CFAP20DC: variants seen among roughly 807,000 people sequenced by gnomAD.
The protein encoded by CFAP20DC is protein CFAP20DC.
Under a neutral mutation model 101.7 loss-of-function variants are expected in CFAP20DC, and 84 were observed. That is an observed-to-expected ratio of 0.83 (90% confidence interval 0.69 to 0.99). The LOEUF is 0.99. Among genes scored for constraint, CFAP20DC ranks in the 50% least tolerant of loss-of-function variants. The pLI, the probability that CFAP20DC is intolerant of heterozygous loss-of-function variation, is 0.00. For synonymous variants in CFAP20DC, 359 were observed against 351.2 expected, an observed-to-expected ratio of 1.02 and a Z score of -0.25; for missense variants, 1,007 against 970.3, an observed-to-expected ratio of 1.04 and a Z score of -0.50.
intron 4 of CFAP20DC, among the ~76,000 whole-genome samples, chr3:59,012,205 C>T (rs944731162): frequency 6.6e-6 from 1 of 151,922 alleles, no homozygotes; most frequent in Non-Finnish European, 1.5e-5. Flanking sequence ...TCACGGAACG[C>T]CTTAAAGATA....
At chr3:58,956,204 G>A (rs533116474) in intron 4 of CFAP20DC, among the ~76,000 whole-genome samples, 8 of 151,926 alleles carry the variant, frequency 5.3e-5, no homozygotes, top group African/African-American at 1.9e-4. Context: ...TGGCTACAAG[G>A]GGGAAGAGCA....
chr3:58,889,687 G>A (rs1358100234), intron 6 of CFAP20DC, among the ~76,000 whole-genome samples: 1 of 138,512 alleles, frequency 7.2e-6, no homozygotes, highest in African/African-American at 2.8e-5. Flanking sequence ...TTCCTAGGCA[G>A]AGGACCCTGC....
intron 4 of CFAP20DC, among the ~76,000 whole-genome samples, chr3:58,963,066 C>T (rs774249555): frequency 2.6e-5 from 4 of 152,012 alleles, no homozygotes; most frequent in Non-Finnish European, 5.9e-5. Flanking sequence ...TCAGCTCGCT[C>T]TGGCAATGGA....
Position 58,892,880 on chromosome 3 carries a change from G to T in CFAP20DC, c.551-8171C>A, listed in dbSNP as rs2082365548. The stretch of plus-strand genomic sequence containing the variant: ...TTCCAATACTATATTGCATAGGAGT[G>T]GTGAGAGAGGGCATTCTTGTCTTGT... On this transcript the variant is annotated intron_variant, in intron 6 of 16. Transcript: ENST00000482387. The surrounding 1 kb of genome is among the most constrained non-coding windows in gnomAD (Gnocchi z 4.0). Among the ~76,000 whole-genome samples the T allele has an allele frequency of 6.6e-6, 1 of 152,262 alleles. No homozygotes were observed. Among genetic ancestry groups the T allele is most frequent in the East Asian group, 1.9e-4 (1 of 5,184 alleles).
At chr3:59,040,937 A>G (rs1195997342) in intron 3 of CFAP20DC, among the ~76,000 whole-genome samples, 1 of 152,102 alleles carries the variant, frequency 6.6e-6, no homozygotes, top group East Asian at 1.9e-4. Context: ...ATAAGAGATC[A>G]CAGGCCTTGA....
intron 15 of CFAP20DC, among the ~76,000 whole-genome samples, chr3:58,763,952 G>A (rs181197271): frequency 9.1e-4 from 138 of 152,272 alleles, no homozygotes; most frequent in African/African-American, 2.9e-3. Flanking sequence ...GCCCCTACTC[G>A]GGGGTTCCTC....
intron 11 of CFAP20DC, among the ~76,000 whole-genome samples, chr3:58,865,160 G>A (rs539934098): frequency 6.7e-6 from 1 of 149,282 alleles, no homozygotes; most frequent in African/African-American, 2.5e-5. Flanking sequence ...ATCACAGTGT[G>A]GACATGGTAA....
At chr3:59,036,068 T>C (rs2094097060) in intron 4 of CFAP20DC, among the ~76,000 whole-genome samples, 1 of 152,214 alleles carries the variant, frequency 6.6e-6, no homozygotes, top group African/African-American at 2.4e-5. Context: ...TCTCAACAGA[T>C]GCAGAAAAGG....
At chr3:58,838,175 A>G (rs1286129183) in intron 13 of CFAP20DC, among the ~76,000 whole-genome samples, 1 of 152,192 alleles carries the variant, frequency 6.6e-6, no homozygotes, top group Non-Finnish European at 1.5e-5. Context: ...CATGCAAAGG[A>G]GTAAATTAAA....
intron 4 of CFAP20DC, among the ~76,000 whole-genome samples, chr3:58,968,154 T>C (rs1441163679): frequency 6.6e-6 from 1 of 152,212 alleles, no homozygotes; most frequent in Non-Finnish European, 1.5e-5. Context: ...CTATTGTGAA[T>C]AGTGCTGCCA....
chr3:58,802,881 T>C (rs1389290504), intron 15 of CFAP20DC, among the ~76,000 whole-genome samples: 1 of 152,048 alleles, frequency 6.6e-6, no homozygotes, highest in East Asian at 1.9e-4. Context: ...AGAAGATAGT[T>C]ATGTTGCAGA....
chr3:58,949,409 T>C (rs565780020), intron 4 of CFAP20DC, among the ~76,000 whole-genome samples: 7 of 152,320 alleles, frequency 4.6e-5, no homozygotes, highest in Admixed American at 6.5e-5. Flanking sequence ...CTGCTTTCAC[T>C]TGTGGGCATT....
rs556227380 is a variant in CFAP20DC at position 58,770,051 on chromosome 3, A to G, written c.2238-16188T>C. ...TATGTTCTCTGCAGAATATCTTTCT[A>G]TCTTTCCTGTATGCCAGTACTTTCC... On this transcript the variant is annotated intron_variant, in intron 15 of 16. Coordinates refer to ENST00000482387, the MANE Select transcript of CFAP20DC (RefSeq NM_001394063.1). Among the ~76,000 whole-genome samples the G allele has an allele frequency of 3.9e-5, 6 of 152,320 alleles. No homozygotes were observed. In the South Asian group the frequency reaches 8.3e-4, roughly 21 times the overall value.
chr3:58,716,820 C>T (rs1027150889), downstream of CFAP20DC, among the ~76,000 whole-genome samples: 3 of 152,116 alleles, frequency 2.0e-5, no homozygotes, highest in Non-Finnish European at 4.4e-5. Context: ...AAGCTAGCAG[C>T]TTTTCAGGTC....
At chr3:58,931,086 T>C (rs548194103) in intron 5 of CFAP20DC, among the ~76,000 whole-genome samples, 1 of 152,050 alleles carries the variant, frequency 6.6e-6, no homozygotes, top group Non-Finnish European at 1.5e-5. Flanking sequence ...GCTTTTCCGA[T>C]GGGGCTTAAA....
chr3:58,958,102 G>A (rs1398381441), intron 4 of CFAP20DC, among the ~76,000 whole-genome samples: 2 of 151,704 alleles, frequency 1.3e-5, no homozygotes, highest in Non-Finnish European at 2.9e-5. Flanking sequence ...AACATCTCAG[G>A]TACACCATAA....
downstream of CFAP20DC, among the ~76,000 whole-genome samples, chr3:58,738,909 C>CTT (rs2107113081): frequency 6.6e-6 from 1 of 152,260 alleles, no homozygotes; most frequent in South Asian, 2.1e-4. The surrounding 1 kb of genome is among the most constrained non-coding windows in gnomAD (Gnocchi z 4.4). Flanking sequence ...GAAGCAAGAT[C>CTT]TTTAATTAAA....
chr3:58,852,359 A>G (rs2078327279), intron 12 of CFAP20DC, among the ~76,000 whole-genome samples: 1 of 151,966 alleles, frequency 6.6e-6, no homozygotes, highest in African/African-American at 2.4e-5. Flanking sequence ...GTGACCTACA[A>G]AGAGACTTAG....
At chr3:58,888,227 T>C (rs777752093) in intron 6 of CFAP20DC, among the ~76,000 whole-genome samples, 1 of 152,194 alleles carries the variant, frequency 6.6e-6, no homozygotes. Context: ...CATGGTCCAG[T>C]TTCATTTATT....
Sources: allele counts gnomAD v4.1 joint callset (sites outside exome capture counted in the v4.1 genomes callset), GRCh38; gene constraint gnomAD v4.1.1; non-coding constraint Gnocchi (gnomAD v3.1); transcripts MANE v1.5; gene names NCBI Gene and HGNC (gene_info 2026-07-23, HGNC 2026-07-21).